The following RABGAP1L variants were observed in gnomAD, a reference collection of about 807,000 sequenced individuals.
RABGAP1L encodes RAB GTPase activating protein 1 like, also known as rab GTPase-activating protein 1-like.
RABGAP1L carries 63 observed loss-of-function variants against 137.7 expected under a neutral mutation model. The observed-to-expected ratio is 0.46, with a 90% CI of 0.37 to 0.56. The LOEUF is 0.56. RABGAP1L is among the 20% of genes least tolerant of loss of function. RABGAP1L has a pLI of 0.00. For synonymous variants in RABGAP1L, 431 were observed against 433.7 expected (o/e 0.99, Z 0.08); for missense variants, 1,095 against 1,244.0 (o/e 0.88, Z 1.80).
rs149290332 is a variant in RABGAP1L at position 174,240,669 on chromosome 1, A to C, written c.543-814A>C. Among the ~76,000 whole-genome samples the C allele has an allele frequency of 6.2e-3, 943 of 152,360 alleles. 6 individuals are homozygous for C. The highest frequency in any genetic ancestry group is 9.4e-3 in the Non-Finnish European group (637 of 68,030). On this transcript the variant is annotated intron_variant, in intron 4 of 25. Transcript: ENST00000681986. ...GGAACCACCTGACCTTTTCTGTGGTAGAAAGGGCCTCAGTTGAACAATGAA... is the reference window on the plus strand; with the variant it reads ...GGAACCACCTGACCTTTTCTGTGGTCGAAAGGGCCTCAGTTGAACAATGAA...
intron 1 of RABGAP1L, among the ~76,000 whole-genome samples, chr1:174,168,264 C>CAAAA (rs3056992): frequency 1.5e-5 from 1 of 64,710 alleles, no homozygotes; most frequent in South Asian, 5.7e-4. Context: ...GACTCGGTCT[C>CAAAA]AAAAAAAAAA....
At chr1:174,723,044 C>T (rs1385267605) in intron 17 of RABGAP1L, among the ~76,000 whole-genome samples, 1 of 152,060 alleles carries the variant, frequency 6.6e-6, no homozygotes, top group Non-Finnish European at 1.5e-5. Context: ...CAGACTCTTG[C>T]ATTATGTTGA....
chr1:174,911,345 G>A (rs76677624), intron 19 of RABGAP1L, among the ~76,000 whole-genome samples: 3,047 of 152,210 alleles, frequency 0.02, 113 homozygotes, highest in African/African-American at 0.071. Flanking sequence ...AATAATGAGT[G>A]CAAACGGCTT....
At position 174,811,835 on chromosome 1, in the gene RABGAP1L, T is replaced by C; in HGVS notation, c.2215T>C (p.Ser739Pro). ...ATTCTTGATGATTATTTTGCAGACC[T>C]CAAAGGAAGACCTTCTGCAGGCTGA... ...FHVALALLKTSKEDLLQADFE... is the reference protein window; with the variant it reads ...FHVALALLKTPKEDLLQADFE... Residue 739 changes from serine to proline, a missense_variant, in exon 19 of 26, where the codon TCA becomes CCA. By Grantham distance (74) the Ser-to-Pro change is moderately conservative. Transcript: ENST00000681986. 6.3e-7 allele frequency: 1 copy of C among 1,583,534 alleles called. No homozygotes were observed. Among genetic ancestry groups the C allele is most frequent in the South Asian group, 1.2e-5 (1 of 82,980 alleles).
chr1:174,843,353 A>G (rs1222112707), intron 19 of RABGAP1L, among the ~76,000 whole-genome samples: 1 of 149,806 alleles, frequency 6.7e-6, no homozygotes, highest in African/African-American at 2.5e-5. Context: ...CATTAGGTAT[A>G]TCTCCCAATG....
intron 1 of RABGAP1L, among the ~76,000 whole-genome samples, chr1:174,193,607 G>T (rs1175259729): frequency 6.6e-6 from 1 of 152,148 alleles, no homozygotes; most frequent in Non-Finnish European, 1.5e-5. Flanking sequence ...GGAAACAAAA[G>T]ACTACAATTG....
At chr1:174,539,440 C>T (rs1456239151) in intron 13 of RABGAP1L, among the ~76,000 whole-genome samples, 1 of 152,150 alleles carries the variant, frequency 6.6e-6, no homozygotes, top group Non-Finnish European at 1.5e-5. Flanking sequence ...TATCCCTTCC[C>T]TGTCCCCACA....
chr1:174,834,425 T>TG (rs1005639621), intron 19 of RABGAP1L, among the ~76,000 whole-genome samples: 5 of 93,790 alleles, frequency 5.3e-5, no homozygotes, highest in African/African-American at 1.2e-4. Flanking sequence ...AAACTCCGTC[T>TG]GAAAAAAAAA....
At chr1:174,188,670 C>G (rs1240396665) in intron 1 of RABGAP1L, among the ~76,000 whole-genome samples, 1 of 152,166 alleles carries the variant, frequency 6.6e-6, no homozygotes, top group Non-Finnish European at 1.5e-5. Context: ...CGTTAGAACT[C>G]TTGAGTGACC....
intron 7 of RABGAP1L, among the ~76,000 whole-genome samples, chr1:174,268,671 C>T (rs1455878077): frequency 6.6e-6 from 1 of 152,036 alleles, no homozygotes; most frequent in African/African-American, 2.4e-5. Context: ...TATTGCAGGA[C>T]ATTAATACAA....
intron 13 of RABGAP1L, among the ~76,000 whole-genome samples, chr1:174,519,088 T>TATACACACACACACACAC (rs1383762334): frequency 5.3e-5 from 8 of 151,348 alleles, no homozygotes; most frequent in Admixed American, 4.0e-4. Flanking sequence ...CTAATATATA[T>TATACACACACACACACAC]ATACACACAC....
chr1:174,287,685 G>A (rs370521399), intron 10 of RABGAP1L, among the ~76,000 whole-genome samples: 1 of 152,070 alleles, frequency 6.6e-6, no homozygotes, highest in Admixed American at 6.5e-5. Context: ...TACAGACAGG[G>A]TTTCACTGTG....
chr1:174,269,807 C>A (rs898391276), intron 7 of RABGAP1L, among the ~76,000 whole-genome samples: 13 of 151,950 alleles, frequency 8.6e-5, no homozygotes, highest in African/African-American at 2.7e-4. Flanking sequence ...TACTTATTTT[C>A]CCCCCCACTA....
chr1:174,784,816 C>T (rs925199233), intron 18 of RABGAP1L, among the ~76,000 whole-genome samples: 1 of 152,142 alleles, frequency 6.6e-6, no homozygotes, highest in African/African-American at 2.4e-5. Flanking sequence ...CAAGCCCTTG[C>T]ATGGTTGAGG....
At chr1:174,920,831 C>T (rs1286658847) in intron 19 of RABGAP1L, among the ~76,000 whole-genome samples, 1 of 152,168 alleles carries the variant, frequency 6.6e-6, no homozygotes, top group Non-Finnish European at 1.5e-5. Flanking sequence ...AAGATACAAC[C>T]ATTGCCAACA....
At chr1:174,218,603 T>C (rs1175123880) in intron 1 of RABGAP1L, among the ~76,000 whole-genome samples, 1 of 152,178 alleles carries the variant, frequency 6.6e-6, no homozygotes, top group East Asian at 1.9e-4. Flanking sequence ...CTATATGTCT[T>C]AGGATGTTGA....
chr1:174,179,679 TTGC>T (rs545923249), intron 1 of RABGAP1L, among the ~76,000 whole-genome samples: 18 of 152,316 alleles, frequency 1.2e-4, no homozygotes, highest in Non-Finnish European at 1.5e-5. Flanking sequence ...TTACCCACCA[TTGC>T]TTTTGCATCA....
intron 17 of RABGAP1L, among the ~76,000 whole-genome samples, chr1:174,730,033 C>T (rs1682331492): frequency 6.6e-6 from 1 of 152,108 alleles, no homozygotes; most frequent in South Asian, 2.1e-4. Context: ...GCACTATTTG[C>T]AAAAACATGG....
At chr1:174,968,982 A>G (rs1018891060) in intron 20 of RABGAP1L, among the ~76,000 whole-genome samples, 1 of 152,130 alleles carries the variant, frequency 6.6e-6, no homozygotes, top group African/African-American at 2.4e-5. Flanking sequence ...TAAAAACCTC[A>G]CAGGATTGGG....
Sources: allele counts gnomAD v4.1 joint callset (sites outside exome capture counted in the v4.1 genomes callset), GRCh38; gene constraint gnomAD v4.1.1; transcripts MANE v1.5; gene names NCBI Gene and HGNC (gene_info 2026-07-23, HGNC 2026-07-21).